Variants in TTC7B observed in about 807,000 individuals in gnomAD.
TTC7B encodes tetratricopeptide repeat protein 7B.
In TTC7B, 28 loss-of-function variants were observed where a neutral mutation model predicts 106.8. That is an observed-to-expected ratio of 0.26 (90% CI 0.19 to 0.36). TTC7B has a LOEUF of 0.36. Ranked by LOEUF, TTC7B falls within the 10% of genes least tolerant of loss-of-function variation. TTC7B has a pLI of 1.00. For synonymous variants in TTC7B, 405 were observed against 430.6 expected, an observed-to-expected ratio of 0.94 and a Z score of 0.74; for missense variants, 862 against 1,076.4, an observed-to-expected ratio of 0.80 and a Z score of 2.79.
chr14:90,737,948 A>G (rs997048178), intron 4 of TTC7B, among the ~76,000 whole-genome samples: 1 of 152,220 alleles, frequency 6.6e-6, no homozygotes, highest in Non-Finnish European at 1.5e-5. Flanking sequence ...GAGGCTGGCC[A>G]TAAAATGGGG....
chr14:90,754,313 T>A (rs1890221551), intron 3 of TTC7B, among the ~76,000 whole-genome samples: 2 of 152,220 alleles, frequency 1.3e-5, no homozygotes, highest in African/African-American at 4.8e-5. Flanking sequence ...TATCTGTCTT[T>A]ATACGTAAAG....
At chr14:90,751,091 A>T (rs1177702665) in intron 3 of TTC7B, among the ~76,000 whole-genome samples, 1 of 152,248 alleles carries the variant, frequency 6.6e-6, no homozygotes, top group African/African-American at 2.4e-5. Context: ...TTCCAGAGAC[A>T]TGCCTGACAA....
At chr14:90,617,453 A>C (rs1170728366) in intron 16 of TTC7B, among the ~76,000 whole-genome samples, 1 of 152,216 alleles carries the variant, frequency 6.6e-6, no homozygotes, top group Non-Finnish European at 1.5e-5. Flanking sequence ...AGTCGTATGC[A>C]TCATGATTTT....
intron 15 of TTC7B, among the ~76,000 whole-genome samples, chr14:90,634,687 G>T (rs780855302): frequency 8.5e-5 from 13 of 152,118 alleles, no homozygotes; most frequent in Non-Finnish European, 1.6e-4. Flanking sequence ...CACAAGAATC[G>T]CTTGAACCCG....
intron 18 of TTC7B, among the ~76,000 whole-genome samples, chr14:90,587,637 A>C (rs1253974088): frequency 2.0e-5 from 3 of 152,214 alleles, no homozygotes; most frequent in African/African-American, 7.2e-5. Context: ...CACTTGGCAC[A>C]GGGAGTTAAG....
intron 5 of TTC7B, 141 bp from the exon 6 acceptor site, chr14:90,695,719 C>T (rs12893100): frequency 0.28 from 111,379 of 396,518 alleles, 17,479 homozygotes; most frequent in East Asian, 0.43. Context: ...CATGCCTAGC[C>T]ATCTTTGGTT....
chr14:90,538,210 G>A lies in TTC7B; in HGVS notation c.*3158C>T, dbSNP rs945929729. The A allele has an allele frequency of 4.1e-4, 62 of 152,212 alleles. No homozygotes were observed. Among genetic ancestry groups the A allele is most frequent in the African/African-American group, 1.3e-3 (55 of 41,444 alleles). The allele number at this position is 152,212 out of a possible 1,614,324, so 9.4% of individuals were successfully genotyped here. On this transcript the variant is annotated 3_prime_UTR_variant, in exon 20 of 20. Coordinates refer to ENST00000328459, the MANE Select transcript of TTC7B (RefSeq NM_001010854.2). ...AGGTGTCCTGCCGTCTTAGTGTCTA[G>A]CGTCTGCGTCCTCATCTATTAATGG... is the stretch of plus-strand genomic sequence containing the variant.
At chr14:90,693,254 T>C (rs937078024) in intron 6 of TTC7B, among the ~76,000 whole-genome samples, 6 of 152,132 alleles carry the variant, frequency 3.9e-5, no homozygotes, top group Non-Finnish European at 5.9e-5. Context: ...CCACTGGCTA[T>C]GGCTGTGTAG....
intron 18 of TTC7B, among the ~76,000 whole-genome samples, chr14:90,582,314 C>T (rs1375695562): frequency 3.9e-5 from 6 of 152,230 alleles, no homozygotes; most frequent in South Asian, 4.1e-4. Flanking sequence ...CTTGGCCCTG[C>T]GCCTCATGTG....
At chr14:90,586,235 C>T (rs922642138) in intron 18 of TTC7B, among the ~76,000 whole-genome samples, 10 of 152,160 alleles carry the variant, frequency 6.6e-5, no homozygotes, top group Admixed American at 1.3e-4. Context: ...CCGACCACTC[C>T]CCTTCAGATG....
At chr14:90,548,863 C>T (rs1889950369) in intron 19 of TTC7B, among the ~76,000 whole-genome samples, 1 of 152,204 alleles carries the variant, frequency 6.6e-6, no homozygotes, top group Non-Finnish European at 1.5e-5. Flanking sequence ...TGCAGTGGCT[C>T]ATGCCTGTAA....
chr14:90,806,958 G>A (rs749463525), intron 1 of TTC7B, among the ~76,000 whole-genome samples: 2 of 152,076 alleles, frequency 1.3e-5, no homozygotes, highest in Non-Finnish European at 2.9e-5. Context: ...CTCACTTGAG[G>A]CCAGACAAGC....
chr14:90,763,594 T>C (rs755890671), intron 3 of TTC7B, among the ~76,000 whole-genome samples: 3 of 152,166 alleles, frequency 2.0e-5, no homozygotes, highest in Non-Finnish European at 4.4e-5. Context: ...GCCATGATCT[T>C]ACATATTTTA....
At chr14:90,645,837 C>T (rs2139884398) in intron 14 of TTC7B, among the ~76,000 whole-genome samples, 1 of 152,244 alleles carries the variant, frequency 6.6e-6, no homozygotes, top group Admixed American at 6.5e-5. Context: ...ATTCCAAGTG[C>T]CAGGGTAAAG....
chr14:90,734,805 G>A (rs1889457292), intron 4 of TTC7B, among the ~76,000 whole-genome samples: 1 of 151,826 alleles, frequency 6.6e-6, no homozygotes, highest in Non-Finnish European at 1.5e-5. Flanking sequence ...TATTTATTTT[G>A]GAGACGGAGT....
At chr14:90,544,696 A>T (rs1218583278) in intron 19 of TTC7B, among the ~76,000 whole-genome samples, 1 of 152,188 alleles carries the variant, frequency 6.6e-6, no homozygotes, top group East Asian at 1.9e-4. Context: ...TTCCAACGTA[A>T]CTATGAGGGA....
intron 15 of TTC7B, among the ~76,000 whole-genome samples, chr14:90,641,160 C>T (rs1885153438): frequency 6.6e-6 from 1 of 152,190 alleles, no homozygotes; most frequent in African/African-American, 2.4e-5. Context: ...TGGTACCTCT[C>T]AGCTTAGAAC....
At chr14:90,604,788 C>T (rs1168744332) in intron 17 of TTC7B, among the ~76,000 whole-genome samples, 4 of 152,162 alleles carry the variant, frequency 2.6e-5, no homozygotes, top group Non-Finnish European at 4.4e-5. Flanking sequence ...TGTTCATTTT[C>T]ACACAGGGAT....
At chr14:90,770,211 A>G (rs923258946) in intron 3 of TTC7B, among the ~76,000 whole-genome samples, 4 of 152,240 alleles carry the variant, frequency 2.6e-5, no homozygotes, top group Admixed American at 2.6e-4. Context: ...GAGTCAATAC[A>G]GTAAGAAGAT....
Sources: gnomAD v4.1 joint callset for allele counts (sites outside exome capture counted in the v4.1 genomes callset) on GRCh38, gnomAD v4.1.1 for gene constraint, MANE v1.5 for transcripts, NCBI Gene and HGNC (gene_info 2026-07-23, HGNC 2026-07-21) for gene names.